The following FAM220A variants were observed in gnomAD, a reference collection of about 807,000 sequenced individuals.
FAM220A encodes the protein protein FAM220A.
For missense variants in FAM220A, 392 were observed against 321.6 expected, an observed-to-expected ratio of 1.22 and a Z score of -1.68; for synonymous variants, 141 against 130.7, an observed-to-expected ratio of 1.08 and a Z score of -0.54.
intron 1 of FAM220A, among the ~76,000 whole-genome samples, chr7:6,335,176 C>CA (rs1301116305): frequency 6.6e-6 from 1 of 152,050 alleles, no homozygotes; most frequent in Non-Finnish European, 1.5e-5. Flanking sequence ...GATTCTCCTG[C>CA]ATCAGCCTCC....
chr7:6,334,147 A>G (rs1281278205), intron 1 of FAM220A, among the ~76,000 whole-genome samples: 1 of 151,088 alleles, frequency 6.6e-6, no homozygotes, highest in Non-Finnish European at 1.5e-5. Context: ...CACCCAGCCG[A>G]ACTCCTGGTC....
chr7:6,336,682 CAA>C (rs35524069), intron 1 of FAM220A, among the ~76,000 whole-genome samples: 1,464 of 122,844 alleles, frequency 0.012, 17 homozygotes, highest in African/African-American at 0.039. Context: ...AGACTTTGTC[CAA>C]AAAAAAAAAA....
intron 1 of FAM220A, among the ~76,000 whole-genome samples, chr7:6,343,221 A>G (rs1781897001): frequency 6.6e-6 from 1 of 150,856 alleles, no homozygotes; most frequent in African/African-American, 2.4e-5. Flanking sequence ...TACTAAAAAT[A>G]CAATAATTAG....
At chr7:6,332,900 C>A (rs896842084) in intron 1 of FAM220A, among the ~76,000 whole-genome samples, 3 of 152,092 alleles carry the variant, frequency 2.0e-5, no homozygotes, top group Admixed American at 2.0e-4. Context: ...GTGGCTCATG[C>A]CTGTAATCCC....
chr7:6,341,683 C>T (rs1424366019), intron 1 of FAM220A, among the ~76,000 whole-genome samples: 3 of 145,162 alleles, frequency 2.1e-5, no homozygotes, highest in African/African-American at 7.7e-5. Flanking sequence ...GAGCAAGACT[C>T]TGTCAAAAAA....
At chr7:6,344,493 G>A (rs1441856228) in intron 1 of FAM220A, among the ~76,000 whole-genome samples, 1 of 151,930 alleles carries the variant, frequency 6.6e-6, no homozygotes, top group Non-Finnish European at 1.5e-5. Flanking sequence ...TACAATTATA[G>A]CTCACTGCCT....
chr7:6,336,869 G>C (rs1182985809), intron 1 of FAM220A, among the ~76,000 whole-genome samples: 1 of 151,930 alleles, frequency 6.6e-6, no homozygotes, highest in Admixed American at 6.6e-5. Flanking sequence ...TCCTAGGCTG[G>C]TCTTGAACTC....
In FAM220A at chr7:6,330,155, C is replaced by CT. The variant is rs1256572687; in HGVS notation, c.*219dup. The CT allele has an allele frequency of 3.6e-6, 2 of 560,070 alleles. No homozygotes were observed. Among genetic ancestry groups the CT allele is most frequent in the East Asian group, 6.4e-5 (2 of 31,310 alleles). The allele number at this position is 560,070 out of a possible 1,614,324, so 34.7% of individuals were successfully genotyped here. A position where few individuals can be genotyped will look rare whatever the true frequency, so the allele number is the denominator to read the frequency against. On this transcript the variant is annotated 3_prime_UTR_variant, in exon 2 of 2. Coordinates refer to ENST00000313324, the MANE Select transcript of FAM220A (RefSeq NM_001037163.2). ...TCGTCTCCTGAAATGTTTCCCAATT[C>CT]TTTATATGTCTTTTAAAGCACAATT...
chr7:6,341,722 G>A (rs888507326), intron 1 of FAM220A, among the ~76,000 whole-genome samples: 3 of 151,806 alleles, frequency 2.0e-5, no homozygotes, highest in South Asian at 4.2e-4. Context: ...TGCGCGCCAG[G>A]TGCAGTGGCT....
chr7:6,337,139 T>C (rs747457), intron 1 of FAM220A, among the ~76,000 whole-genome samples: 80,511 of 151,140 alleles, frequency 0.53, 22,462 homozygotes, highest in East Asian at 0.82. Context: ...TGGCGCAATC[T>C]CAGCTCACTG....
At chr7:6,332,099 G>C (rs1781648835) in intron 1 of FAM220A, among the ~76,000 whole-genome samples, 2 of 139,610 alleles carry the variant, frequency 1.4e-5, no homozygotes, top group South Asian at 4.5e-4. Flanking sequence ...GCGACAGCTA[G>C]ACTCCATCTC....
chr7:6,343,791 A>G (rs1037464479), intron 1 of FAM220A, among the ~76,000 whole-genome samples: 1 of 152,092 alleles, frequency 6.6e-6, no homozygotes, highest in Non-Finnish European at 1.5e-5. Flanking sequence ...CAAACTAGAG[A>G]TCTAGGGAGG....
intron 1 of FAM220A, among the ~76,000 whole-genome samples, chr7:6,335,367 C>T (rs1450277171): frequency 6.6e-6 from 1 of 151,834 alleles, no homozygotes. Flanking sequence ...TGATTACAAG[C>T]GCCCGCCACC....
chr7:6,340,483 A>T (rs1220720947), intron 1 of FAM220A, among the ~76,000 whole-genome samples: 3 of 152,124 alleles, frequency 2.0e-5, no homozygotes, highest in Admixed American at 6.5e-5. Context: ...CGGCTGAAGC[A>T]CGGAGGCCGT....
chr7:6,343,136 G>T (rs1397169597), intron 1 of FAM220A, among the ~76,000 whole-genome samples: 4 of 151,608 alleles, frequency 2.6e-5, no homozygotes, highest in African/African-American at 9.7e-5. Context: ...CAGCACCTTG[G>T]GAGGCCGAGG....
At chr7:6,338,967 G>C (rs977696333) in intron 1 of FAM220A, among the ~76,000 whole-genome samples, 1 of 152,164 alleles carries the variant, frequency 6.6e-6, no homozygotes, top group Non-Finnish European at 1.5e-5. Flanking sequence ...CACCCCTCAG[G>C]TGTGAACGCT....
chr7:6,336,592 G>A (rs1177340547), intron 1 of FAM220A, among the ~76,000 whole-genome samples: 1 of 151,374 alleles, frequency 6.6e-6, no homozygotes, highest in East Asian at 1.9e-4. Flanking sequence ...GCTGAGACAC[G>A]AGAATCACTT....
At chr7:6,347,776 C>T (rs896488302) in intron 1 of FAM220A, among the ~76,000 whole-genome samples, 2 of 151,778 alleles carry the variant, frequency 1.3e-5, no homozygotes, top group Non-Finnish European at 2.9e-5. Flanking sequence ...TCTATGCAGG[C>T]CAGATGTGGT....
intron 1 of FAM220A, among the ~76,000 whole-genome samples, chr7:6,333,649 C>T (rs1357923808): frequency 6.7e-6 from 1 of 149,488 alleles, no homozygotes; most frequent in Non-Finnish European, 1.5e-5. Context: ...CAGGCAGGCA[C>T]CACCACACCT....
Sources: gnomAD v4.1 joint callset for allele counts (sites outside exome capture counted in the v4.1 genomes callset) on GRCh38, gnomAD v4.1.1 for gene constraint, MANE v1.5 for transcripts, NCBI Gene and HGNC (gene_info 2026-07-23, HGNC 2026-07-21) for gene names.